The following GSE1 variants were observed in gnomAD, a reference collection of about 807,000 sequenced individuals.
GSE1 encodes Gse1 coiled-coil protein.
GSE1 carries 32 observed loss-of-function variants against 112.6 expected under a neutral mutation model. The observed-to-expected ratio is 0.28, with a 90% CI of 0.21 to 0.38. GSE1 has a LOEUF of 0.38. Among genes scored for constraint, GSE1 ranks in the 10% least tolerant of loss-of-function variants. The pLI is 1.00. For synonymous variants in GSE1, 1,115 were observed against 735.6 expected (o/e 1.52, Z -8.35); for missense variants, 2,348 against 1,699.2 (o/e 1.38, Z -6.71).
intron 1 of GSE1, among the ~76,000 whole-genome samples, chr16:85,234,175 C>T (rs905205567): frequency 6.6e-6 from 1 of 152,146 alleles, no homozygotes; most frequent in South Asian, 2.1e-4. Flanking sequence ...GGAAGGTATC[C>T]ACTCCCCGCC....
chr16:85,634,299 C>T (rs1002363168), intron 2 of GSE1, among the ~76,000 whole-genome samples, 167 bp downstream of exon 2: 24 of 152,262 alleles, frequency 1.6e-4, no homozygotes, highest in African/African-American at 4.6e-4. Flanking sequence ...TGGGCCAGTC[C>T]GCCTGCCCCA....
At chr16:85,657,675 C>T in intron 8 of GSE1, 71 bp downstream of exon 8, 1 of 1,073,006 alleles carries the variant, frequency 9.3e-7, no homozygotes. Context: ...TATTGAGCAC[C>T]TCCTGTTTGC....
intron 1 of GSE1, among the ~76,000 whole-genome samples, chr16:85,227,457 T>C (rs1387696440): frequency 4.6e-5 from 7 of 152,160 alleles, no homozygotes; most frequent in African/African-American, 9.7e-5. Flanking sequence ...TTTTGAGGGA[T>C]GTGCAGGAGT....
intron 2 of GSE1, among the ~76,000 whole-genome samples, chr16:85,507,279 A>G (rs1409677991): frequency 1.3e-5 from 2 of 152,148 alleles, no homozygotes; most frequent in Non-Finnish European, 2.9e-5. Context: ...CGTCCTCGGC[A>G]TTCTGCTTAC....
At chr16:85,432,520 C>T (rs531312026) in intron 2 of GSE1, among the ~76,000 whole-genome samples, 27 of 152,366 alleles carry the variant, frequency 1.8e-4, no homozygotes, top group South Asian at 1.2e-3. Context: ...GTTCTTTCCA[C>T]GCTTTGCTTG....
At chr16:85,361,501 CCTCTCTGCCCTCTCTGT>C (rs1458664196) in intron 2 of GSE1, among the ~76,000 whole-genome samples, 2 of 152,252 alleles carry the variant, frequency 1.3e-5, no homozygotes, top group Non-Finnish European at 2.9e-5. Flanking sequence ...CCCTCTCAGC[CCTCTCTGCCCTCTCTGT>C]CTCTCTGGCC....
At position 85,508,760 on chromosome 16, in the gene GSE1, G is replaced by A. The variant is rs574613063; in HGVS notation, c.2465-125154G>A. On this transcript the variant is annotated intron_variant, in intron 2 of 2. Transcript: ENST00000637419. ...TTTTCTGTAGAGACTGAAATTAGCA[G>A]GAAGCTAATCACGCTTTGTCTTTTA... Among the ~76,000 whole-genome samples the A allele has an allele frequency of 2.9e-3, 449 of 152,348 alleles. 2 individuals are homozygous for A. The highest frequency in any genetic ancestry group is 4.7e-3 in the Non-Finnish European group (322 of 68,036).
At chr16:85,266,171 G>A (rs1437397907) in intron 1 of GSE1, among the ~76,000 whole-genome samples, 1 of 152,160 alleles carries the variant, frequency 6.6e-6, no homozygotes, top group African/African-American at 2.4e-5. Flanking sequence ...TCCCTCCCCA[G>A]GAAGGGCAAA....
intron 1 of GSE1, among the ~76,000 whole-genome samples, chr16:85,261,093 G>A (rs556927443): frequency 6.6e-6 from 1 of 152,338 alleles, no homozygotes; most frequent in African/African-American, 2.4e-5. Flanking sequence ...AGTGCTCTAA[G>A]TGATCAGCCC....
chr16:85,523,264 CTG>C (rs1461687129), intron 2 of GSE1, among the ~76,000 whole-genome samples: 1 of 147,030 alleles, frequency 6.8e-6, no homozygotes, highest in African/African-American at 2.7e-5. Context: ...TGTGTGTGCC[CTG>C]TGTGTGTGAG....
chr16:85,247,180 C>T (rs1290113727), intron 1 of GSE1, among the ~76,000 whole-genome samples: 1 of 152,176 alleles, frequency 6.6e-6, no homozygotes, highest in Non-Finnish European at 1.5e-5. Context: ...CACAAGTGTC[C>T]TGGTCTTGAT....
At chr16:85,417,713 G>C (rs1246614895) in intron 2 of GSE1, among the ~76,000 whole-genome samples, 1 of 152,274 alleles carries the variant, frequency 6.6e-6, no homozygotes, top group Non-Finnish European at 1.5e-5. Flanking sequence ...CCCAAGGCTA[G>C]AGCAGAGGAT....
chr16:85,460,186 A>G (rs1172822699), intron 2 of GSE1, among the ~76,000 whole-genome samples: 2 of 152,216 alleles, frequency 1.3e-5, no homozygotes, highest in Non-Finnish European at 2.9e-5. Flanking sequence ...AAGTGTGTTC[A>G]AGGTCAAACG....
chr16:85,499,467 C>T (rs1325886477), intron 2 of GSE1, among the ~76,000 whole-genome samples: 2 of 151,942 alleles, frequency 1.3e-5, no homozygotes, highest in African/African-American at 4.8e-5. Flanking sequence ...CCCGCCACCA[C>T]GCCCGGCTAA....
chr16:85,250,462 A>G (rs1359789840), intron 1 of GSE1, among the ~76,000 whole-genome samples: 3 of 152,060 alleles, frequency 2.0e-5, no homozygotes, highest in Non-Finnish European at 4.4e-5. Flanking sequence ...CGGAGGCGCC[A>G]GGGCCAGGCC....
At chr16:85,483,923 C>G (rs1158077238) in intron 2 of GSE1, among the ~76,000 whole-genome samples, 2 of 152,258 alleles carry the variant, frequency 1.3e-5, no homozygotes, top group African/African-American at 4.8e-5. Flanking sequence ...TGCTGCCATC[C>G]TCTCAGCTGG....
At chr16:85,319,275 T>C (rs2046048980) in intron 1 of GSE1, among the ~76,000 whole-genome samples, 2 of 152,284 alleles carry the variant, frequency 1.3e-5, no homozygotes, top group Admixed American at 1.3e-4. Flanking sequence ...ACCCAGAACT[T>C]GCGATCGGTG....
In GSE1 at chr16:85,311,710, C is replaced by T. The variant is rs1377196770; in HGVS notation, c.2284-45753C>T. On this transcript the variant is annotated intron_variant, in intron 1 of 2. Transcript: ENST00000637419. This position sits in a 1 kb window ranked among gnomAD's most constrained non-coding sequence, Gnocchi z 4.2. ...TGGGGCCCTGGATACCTCCTGCCTG[C>T]TTCATTTCCCAGATGTCTTAGGACC... Among the ~76,000 whole-genome samples, 3 of 152,146 alleles carry T rather than the reference C, an allele frequency of 2.0e-5. No individual in the cohort carries two copies. The highest frequency in any genetic ancestry group is 4.4e-5 in the Non-Finnish European group (3 of 67,990).
At chr16:85,234,634 G>T (rs1597863571) in intron 1 of GSE1, among the ~76,000 whole-genome samples, 1 of 152,330 alleles carries the variant, frequency 6.6e-6, no homozygotes, top group East Asian at 1.9e-4. Flanking sequence ...GAGGCCCTGT[G>T]ACGTTCCCAA....
Sources: allele counts gnomAD v4.1 joint callset (sites outside exome capture counted in the v4.1 genomes callset), GRCh38; gene constraint gnomAD v4.1.1; non-coding constraint Gnocchi (gnomAD v3.1); transcripts MANE v1.5; gene names NCBI Gene and HGNC (gene_info 2026-07-23, HGNC 2026-07-21).